MFHAS1: variants seen among roughly 807,000 people sequenced by gnomAD.
The protein encoded by MFHAS1 is multifunctional ROCO family signaling regulator 1.
In MFHAS1, 50 loss-of-function variants were observed where a neutral mutation model predicts 70.4. That is an observed-to-expected ratio of 0.71 (90% CI 0.57 to 0.90). The LOEUF is 0.90. MFHAS1 is among the 40% of genes least tolerant of loss of function. MFHAS1 has a pLI of 0.00. For synonymous variants in MFHAS1, 952 were observed against 620.0 expected (o/e 1.54, Z -7.96); for missense variants, 1,795 against 1,347.6 (o/e 1.33, Z -5.20).
At chr8:8,812,618 G>A (rs577909919) in intron 1 of MFHAS1, among the ~76,000 whole-genome samples, 1 of 152,270 alleles carries the variant, frequency 6.6e-6, no homozygotes, top group East Asian at 1.9e-4. Flanking sequence ...CCCTAGGTGT[G>A]CAAATGAATA....
intron 1 of MFHAS1, among the ~76,000 whole-genome samples, chr8:8,817,440 G>T (rs1806788841): frequency 6.6e-6 from 1 of 152,158 alleles, no homozygotes; most frequent in Non-Finnish European, 1.5e-5. Context: ...AATAATAAAT[G>T]GCCTCATTCC....
Position 8,892,672 on chromosome 8 carries a change from C to T in MFHAS1, c.387G>A (p.Glu129=). Residue 129 remains glutamate, a synonymous_variant, in exon 1 of 3, where the codon GAG becomes GAA. Transcript: ENST00000276282. The surrounding 1 kb of genome is among the most constrained non-coding windows in gnomAD (Gnocchi z 4.7). ...GCAGCTCCCTCAGAGCACTCACCAC[C>T]TCCGCGCCCAGGGCGGTCAGCCGGT... is the stretch of plus-strand genomic sequence containing the variant. ...SHNRLTALGA[E]VVSALRELRK... is the part of the protein sequence containing the mutation. 1 of 1,584,060 alleles carries T rather than the reference C, an allele frequency of 6.3e-7. No individual in the cohort carries two copies. The highest frequency in any genetic ancestry group is 8.6e-7 in the Non-Finnish European group (1 of 1,165,366).
At chr8:8,880,104 T>TCC (rs1195312925) in intron 1 of MFHAS1, among the ~76,000 whole-genome samples, 1 of 152,156 alleles carries the variant, frequency 6.6e-6, no homozygotes, top group Non-Finnish European at 1.5e-5. Context: ...TTGGATGCCC[T>TCC]CCTTTCTGTC....
At chr8:8,872,962 C>T (rs1227679371) in intron 1 of MFHAS1, among the ~76,000 whole-genome samples, 1 of 152,098 alleles carries the variant, frequency 6.6e-6, no homozygotes, top group Non-Finnish European at 1.5e-5. Context: ...ACGGAGACAA[C>T]CGGGCAGTGC....
intron 1 of MFHAS1, among the ~76,000 whole-genome samples, chr8:8,816,264 C>G (rs1806742054): frequency 6.6e-6 from 1 of 152,132 alleles, no homozygotes; most frequent in East Asian, 1.9e-4. Context: ...CAAAATCTAT[C>G]AAATTGGACC....
intron 1 of MFHAS1, among the ~76,000 whole-genome samples, chr8:8,823,408 G>C (rs1807039512): frequency 6.6e-6 from 1 of 152,130 alleles, no homozygotes; most frequent in South Asian, 2.1e-4. Context: ...TCCGATCCTG[G>C]TGCTGCGCTA....
At chr8:8,801,058 A>G (rs543188787) in intron 1 of MFHAS1, among the ~76,000 whole-genome samples, 1 of 152,104 alleles carries the variant, frequency 6.6e-6, no homozygotes, top group Non-Finnish European at 1.5e-5. Flanking sequence ...TACTAAAAAT[A>G]TAAAAAATTA....
rs1810073433 is a variant in MFHAS1, at chr8:8,892,029, G to C, written c.1030C>G (p.Leu344Val). 1.2e-6 allele frequency: 2 copies of C among 1,613,612 alleles called. No homozygotes were observed. Among genetic ancestry groups the C allele is most frequent in the African/African-American group, 1.3e-5 (1 of 75,044 alleles). ...LPDSIVELTG[L>V]EELVLQGNQI... ...TTCCCCTGCAGCACGAGCTCCTCCA[G>C]GCCGGTCAGCTCCACGATGGAGTCC... The change falls in exon 1 of 3, where the codon CTG becomes GTG. Residue 344 changes from leucine to valine, a missense_variant. Leu to Val is a conservative substitution (Grantham distance 32). Transcript: ENST00000276282. This position sits in a 1 kb window ranked among gnomAD's most constrained non-coding sequence, Gnocchi z 4.7.
Position 8,785,033 on chromosome 8 carries a change from G to T in MFHAS1, c.*989C>A, listed in dbSNP as rs748718007. The T allele has an allele frequency of 1.3e-5, 2 of 152,148 alleles. No homozygotes were observed. The highest frequency in any genetic ancestry group is 2.9e-5 in the Non-Finnish European group (2 of 68,032). The allele number at this position is 152,148 out of a possible 1,614,324, so 9.4% of individuals were successfully genotyped here. On this transcript the variant is annotated 3_prime_UTR_variant, in exon 3 of 3. Coordinates refer to ENST00000276282, the MANE Select transcript of MFHAS1 (RefSeq NM_004225.3). ...GCCAGATGTGGAAGGTCTACAAAGA[G>T]CTCTGCTAATAAGTAATATGTTTGC...
intron 1 of MFHAS1, among the ~76,000 whole-genome samples, chr8:8,869,101 C>T (rs1041146112): frequency 6.6e-6 from 1 of 152,152 alleles, no homozygotes; most frequent in Non-Finnish European, 1.5e-5. Flanking sequence ...TTTTGAGGTG[C>T]ATGAACCAAG....
intron 1 of MFHAS1, among the ~76,000 whole-genome samples, chr8:8,862,743 C>A (rs1486625133): frequency 6.6e-6 from 1 of 152,144 alleles, no homozygotes; most frequent in Non-Finnish European, 1.5e-5. Flanking sequence ...AATGTTGTGT[C>A]AATGTAGGTT....
chr8:8,889,624 A>G (rs1456065953), intron 1 of MFHAS1, among the ~76,000 whole-genome samples: 2 of 152,238 alleles, frequency 1.3e-5, no homozygotes. Context: ...AGTTTTTTAA[A>G]AAATTGTGAC....
chr8:8,846,605 G>A (rs2116863600), intron 1 of MFHAS1, among the ~76,000 whole-genome samples: 1 of 151,960 alleles, frequency 6.6e-6, no homozygotes, highest in South Asian at 2.1e-4. Context: ...GCACCTCTCT[G>A]ATCTCTTTTC....
chr8:8,817,815 A>C (rs35039922), intron 1 of MFHAS1, among the ~76,000 whole-genome samples: 18 of 152,120 alleles, frequency 1.2e-4, no homozygotes, highest in African/African-American at 3.9e-4. Context: ...ATAGAGTTCA[A>C]GCTCCTATGA....
intron 1 of MFHAS1, among the ~76,000 whole-genome samples, chr8:8,824,537 A>T (rs1044566375): frequency 1.5e-4 from 7 of 46,918 alleles, no homozygotes; most frequent in Admixed American, 8.0e-4. Flanking sequence ...ACACACACAC[A>T]CACACACACA....
chr8:8,837,919 C>T (rs931092895), intron 1 of MFHAS1, among the ~76,000 whole-genome samples: 8 of 152,142 alleles, frequency 5.3e-5, no homozygotes, highest in African/African-American at 1.9e-4. Flanking sequence ...CCCACCATTC[C>T]ACCCCTACAT....
In MFHAS1 at chr8:8,839,229, TGAGA is replaced by T. The variant is rs764587032; in HGVS notation, c.2999-41742_2999-41739del. Reference sequence around the variant, plus strand: ...TAAAAGACTTGCTGCAAAAACTGACTGAGAAAGAGAAAAATAAAGTTTTTTTTTC... The same window carrying T: ...TAAAAGACTTGCTGCAAAAACTGACTAAGAGAAAAATAAAGTTTTTTTTTC... On this transcript the variant is annotated intron_variant, in intron 1 of 2. Transcript: ENST00000276282. Among the ~76,000 whole-genome samples the T allele has an allele frequency of 3.4e-4, 51 of 152,234 alleles. 1 individual carries two copies. Among genetic ancestry groups the T allele is most frequent in the Non-Finnish European group, 5.1e-4 (35 of 68,008 alleles).
At position 8,891,228 on chromosome 8, in the gene MFHAS1, G is replaced by C; in HGVS notation, c.1831C>G (p.Gln611Glu). The change falls in exon 1 of 3, where the codon CAA becomes GAA. Residue 611 changes from glutamine to glutamate, a missense_variant. Physicochemically the swap from Gln to Glu is conservative, Grantham distance 29. Transcript: ENST00000276282. The surrounding 1 kb of genome is among the most constrained non-coding windows in gnomAD (Gnocchi z 5.4). The part of the protein sequence containing the change: ...KNLRRRKAHF[Q>E]YLLNHRLQIL... ...TGCAGCCGGTGGTTGAGCAGGTATT[G>C]AAAATGGGCCTTGCGCCGTCGAAGG... 1 of 1,612,540 alleles carries C rather than the reference G, an allele frequency of 6.2e-7. No individual in the cohort carries two copies. Among genetic ancestry groups the C allele is most frequent in the Non-Finnish European group, 8.5e-7 (1 of 1,180,032 alleles).
At chr8:8,820,104 T>C (rs925991268) in intron 1 of MFHAS1, among the ~76,000 whole-genome samples, 3 of 152,200 alleles carry the variant, frequency 2.0e-5, no homozygotes, top group Admixed American at 2.0e-4. Flanking sequence ...ATTTAAAAAG[T>C]CTTTCTCTAA....
Sources: allele counts gnomAD v4.1 joint callset (sites outside exome capture counted in the v4.1 genomes callset), GRCh38; gene constraint gnomAD v4.1.1; non-coding constraint Gnocchi (gnomAD v3.1); transcripts MANE v1.5; gene names NCBI Gene and HGNC (gene_info 2026-07-23, HGNC 2026-07-21).